TMEM182: variants seen among roughly 807,000 people sequenced by gnomAD.
TMEM182 encodes the protein transmembrane protein 182.
In TMEM182, 20 loss-of-function variants were observed where a neutral mutation model predicts 26.8. That is an observed-to-expected ratio of 0.75 (90% CI 0.53 to 1.09). The LOEUF is 1.09. TMEM182 is among the 50% of genes least tolerant of loss of function. The probability of loss-of-function intolerance (pLI) is 0.00; values close to 1 mark genes in which losing one functional copy is unlikely to be tolerated. For synonymous variants in TMEM182, 109 were observed against 102.2 expected, an observed-to-expected ratio of 1.07 and a Z score of -0.40; for missense variants, 277 against 275.5, an observed-to-expected ratio of 1.01 and a Z score of -0.04.
rs147168624 is a variant in TMEM182, at chr2:102,805,404, G to A, written c.469+7404G>A. The stretch of plus-strand genomic sequence containing the variant: ...ACACAGAGCCATTTCTTTGGAGAGA[G>A]CCATTGCTTTCCTGTAAGTGTCCAC... On this transcript the variant is annotated intron_variant, in intron 4 of 4. Coordinates refer to ENST00000412401, the MANE Select transcript of TMEM182 (RefSeq NM_144632.5). Among the ~76,000 whole-genome samples, 35 of 152,284 alleles carry A rather than the reference G, an allele frequency of 2.3e-4. 1 individual carries two copies. In the East Asian group the frequency reaches 6.8e-3, roughly 29 times the overall value.
chr2:102,751,345 T>G (rs1030682548), intron 1 of TMEM182, among the ~76,000 whole-genome samples: 2 of 152,064 alleles, frequency 1.3e-5, no homozygotes. Flanking sequence ...CACCCCACCC[T>G]TTTCTTATTA....
chr2:102,772,177 A>G (rs150921758), intron 3 of TMEM182, among the ~76,000 whole-genome samples: 70 of 152,332 alleles, frequency 4.6e-4, no homozygotes, highest in Non-Finnish European at 5.3e-4. Flanking sequence ...ATCTTGAAGC[A>G]TTATGGCTTC....
rs1252875266 is a variant in TMEM182, at chr2:102,815,472, A to G, written c.*504A>G. On this transcript the variant is annotated 3_prime_UTR_variant, in exon 5 of 5. Coordinates refer to ENST00000412401, the MANE Select transcript of TMEM182 (RefSeq NM_144632.5). ...TGAGCAAATGAATTTAAAAATAGAC[A>G]GCAGTTGTTCTAATTAGTGGGAGCC... 6.1e-6 allele frequency: 6 copies of G among 988,416 alleles called. No individual in the cohort carries two copies. The African/African-American group carries it at 7.0e-5, about 12-fold the overall frequency. 61.2% of individuals were successfully genotyped at this position (988,416 alleles called of 1,614,324 possible).
intron 3 of TMEM182, among the ~76,000 whole-genome samples, chr2:102,769,485 G>T (rs78033262): frequency 0.051 from 7,757 of 152,074 alleles, 610 homozygotes; most frequent in African/African-American, 0.17. Context: ...ATTTTAGTGG[G>T]TTTTTAATCC....
upstream of TMEM182, chr2:102,758,489 T>C: frequency 1.4e-6 from 1 of 717,212 alleles, no homozygotes; most frequent in Non-Finnish European, 2.6e-6. Context: ...CTCCATTTCA[T>C]GTCTTCATTA....
chr2:102,770,651 A>G (rs1680634618), intron 3 of TMEM182, among the ~76,000 whole-genome samples: 1 of 152,196 alleles, frequency 6.6e-6, no homozygotes, highest in South Asian at 2.1e-4. Flanking sequence ...GGGTTGTATC[A>G]GAATGATGGG....
intron 3 of TMEM182, among the ~76,000 whole-genome samples, chr2:102,839,105 CA>C (rs1029086007): frequency 8.5e-5 from 13 of 152,182 alleles, no homozygotes; most frequent in Non-Finnish European, 1.9e-4. Context: ...CTGCCTTCTG[CA>C]TGAGCACTAG....
chr2:102,818,762 C>CTATG (rs879820560), downstream of TMEM182, among the ~76,000 whole-genome samples: 663 of 151,900 alleles, frequency 4.4e-3, 3 homozygotes, highest in Non-Finnish European at 6.3e-3. Flanking sequence ...ATCTATCTAT[C>CTATG]TATCTATCTA....
In TMEM182 at chr2:102,812,384, T is replaced by TACACAC. The variant is rs61175945; in HGVS notation, c.470-2323_470-2318dup. 4.6e-3 allele frequency among the ~76,000 whole-genome samples: 659 copies of TACACAC among 143,314 alleles called. 7 individuals carry two copies. The highest frequency in any genetic ancestry group is 0.015 in the African/African-American group (584 of 38,506). 94.0% of individuals were successfully genotyped at this position (143,314 alleles called of 152,430 possible). A position where few individuals can be genotyped will look rare whatever the true frequency, so the allele number is the denominator to read the frequency against. ...CTCTCTCTCTCTTTGTCTACACATGTACACACACACACACACACACACACA... is the reference window on the plus strand; with the variant it reads ...CTCTCTCTCTCTTTGTCTACACATGTACACACACACACACACACACACACACACACA... On this transcript the variant is annotated intron_variant, in intron 4 of 4. Coordinates refer to ENST00000412401, the MANE Select transcript of TMEM182 (RefSeq NM_144632.5).
At chr2:102,774,253 T>TC (rs1454764172) in intron 3 of TMEM182, among the ~76,000 whole-genome samples, 1 of 136,868 alleles carries the variant, frequency 7.3e-6, no homozygotes, top group African/African-American at 2.8e-5. Context: ...TTTCTTTCTT[T>TC]TTTTTTTTTT....
At chr2:102,752,651 T>C (rs1408033175) in intron 1 of TMEM182, among the ~76,000 whole-genome samples, 4 of 152,202 alleles carry the variant, frequency 2.6e-5, no homozygotes, top group Admixed American at 6.5e-5. Context: ...TCTCACTGAT[T>C]AGGTTGTCTT....
chr2:102,773,683 A>G (rs1202513420), intron 3 of TMEM182, among the ~76,000 whole-genome samples: 5 of 152,098 alleles, frequency 3.3e-5, no homozygotes, highest in Non-Finnish European at 7.4e-5. Context: ...TTCCAATCTG[A>G]CATATTATAC....
intron 3 of TMEM182, among the ~76,000 whole-genome samples, chr2:102,829,005 A>G (rs1683097930): frequency 1.3e-5 from 2 of 152,222 alleles, no homozygotes; most frequent in African/African-American, 4.8e-5. Flanking sequence ...TTAGAAAAAT[A>G]AAAGTTGTTC....
intron 4 of TMEM182, among the ~76,000 whole-genome samples, chr2:102,801,834 G>A (rs1412762892): frequency 6.6e-6 from 1 of 152,174 alleles, no homozygotes; most frequent in Non-Finnish European, 1.5e-5. Flanking sequence ...TGCTGCCTCT[G>A]GGATAAGTCA....
At chr2:102,745,744 C>T (rs1367416728) in intron 1 of TMEM182, among the ~76,000 whole-genome samples, 1 of 152,130 alleles carries the variant, frequency 6.6e-6, no homozygotes, top group African/African-American at 2.4e-5. Context: ...ATAGATATTA[C>T]TTTGTGACTG....
intron 3 of TMEM182, among the ~76,000 whole-genome samples, chr2:102,828,562 T>A (rs1178599316): frequency 2.0e-5 from 3 of 152,174 alleles, no homozygotes; most frequent in Non-Finnish European, 2.9e-5. Flanking sequence ...AGATAACCTG[T>A]TGGTCGAGAT....
intron 3 of TMEM182, among the ~76,000 whole-genome samples, chr2:102,840,138 A>G (rs1458246119): frequency 6.6e-6 from 1 of 152,210 alleles, no homozygotes; most frequent in Non-Finnish European, 1.5e-5. Context: ...TCTATAAAGA[A>G]ATCTTTCCAT....
chr2:102,787,986 T>TC (rs1307152000), intron 3 of TMEM182, among the ~76,000 whole-genome samples: 1 of 151,988 alleles, frequency 6.6e-6, no homozygotes, highest in Non-Finnish European at 1.5e-5. Context: ...GGACCAGGAG[T>TC]CTTACCTTTC....
intron 3 of TMEM182, among the ~76,000 whole-genome samples, chr2:102,794,808 G>A (rs1322161079): frequency 6.6e-6 from 1 of 152,060 alleles, no homozygotes; most frequent in Non-Finnish European, 1.5e-5. Flanking sequence ...GGAGTTTGCT[G>A]AGTATCCTGT....
Sources: allele counts gnomAD v4.1 joint callset (sites outside exome capture counted in the v4.1 genomes callset), GRCh38; gene constraint gnomAD v4.1.1; transcripts MANE v1.5; gene names NCBI Gene and HGNC (gene_info 2026-07-23, HGNC 2026-07-21).